ETNPPL: variants seen among roughly 807,000 people sequenced by gnomAD.
ETNPPL encodes the protein alanine--glyoxylate aminotransferase 2-like 1.
ETNPPL carries 30 observed loss-of-function variants against 55.5 expected under a neutral mutation model. That is an observed-to-expected ratio of 0.54 (90% CI 0.40 to 0.73). The LOEUF (loss-of-function observed/expected upper bound fraction) is 0.73, where lower values mean the gene tolerates loss of function less well. Ranked by LOEUF, ETNPPL falls within the 30% of genes least tolerant of loss-of-function variation. The pLI is 0.00. For missense variants in ETNPPL, 528 were observed against 607.9 expected, an observed-to-expected ratio of 0.87 and a Z score of 1.38; for synonymous variants, 202 against 207.2, an observed-to-expected ratio of 0.98 and a Z score of 0.21.
Position 108,746,499 on chromosome 4 carries a change from G to A in ETNPPL, c.1203C>T (p.Ala401=), listed in dbSNP as rs139402816. The A allele has an allele frequency of 2.5e-5, 41 of 1,612,998 alleles. No individual in the cohort carries two copies. In the African/African-American group the frequency reaches 2.9e-4, roughly 12 times the overall value. The change falls in exon 11 of 13, where the codon GCC becomes GCT. Residue 401 remains alanine (A), a synonymous_variant. Transcript: ENST00000296486. ...TAAGTACATTTCTATGAGGTCCATC[G>A]GCACTGAGAAGCACTCGTTTTTCTT... ...KMKEKRVLLS[A]DGPHRNVLKI... is the part of the protein sequence containing the mutation.
Position 108,749,532 on chromosome 4 carries a change from A to G in ETNPPL, c.702-69T>C. 3.3e-6 allele frequency: 4 copies of G among 1,219,746 alleles called. No homozygotes were observed. The East Asian group carries it at 9.6e-5, about 29-fold the overall frequency. 75.6% of individuals were successfully genotyped at this position (1,219,746 alleles called of 1,614,324 possible). A position where few individuals can be genotyped will look rare whatever the true frequency, so the allele number is the denominator to read the frequency against. The stretch of plus-strand genomic sequence containing the variant: ...TCCCCAAACCCACCCACAAAGATGC[A>G]AATTATTGAAGACAAAAAAAAAAAG... On this transcript the variant is annotated intron_variant, in intron 7 of 12. Coordinates refer to ENST00000296486, the MANE Select transcript of ETNPPL (RefSeq NM_031279.4).
Position 108,752,965 on chromosome 4 carries a change from G to T in ETNPPL, c.548C>A (p.Ala183Glu), listed in dbSNP as rs372065522. ...TYRGKYREDH[A>E]DSASAYADEV... ...ATCTGCATAAGCACTGGCTGAGTCT[G>T]CATGGTCTTCTCTATATTTTCCTCT... The change falls in exon 6 of 13, where the codon GCA becomes GAA. Residue 183 changes from alanine (A) to glutamate (E), a missense_variant. Transcript: ENST00000296486. 3 of 1,612,068 alleles carry T rather than the reference G, an allele frequency of 1.9e-6. No individual in the cohort carries two copies. Among genetic ancestry groups the T allele is most frequent in the East Asian group, 4.5e-5 (2 of 44,810 alleles).
intron 5 of ETNPPL, among the ~76,000 whole-genome samples, chr4:108,754,206 G>A (rs886395195): frequency 5.9e-5 from 9 of 151,766 alleles, no homozygotes; most frequent in Non-Finnish European, 1.5e-5. Flanking sequence ...TTGAATTCCT[G>A]ACCTCCAGTG....
intron 6 of ETNPPL, among the ~76,000 whole-genome samples, chr4:108,752,110 G>T (rs894724927): frequency 4.0e-5 from 6 of 151,724 alleles, no homozygotes; most frequent in Non-Finnish European, 8.8e-5. Flanking sequence ...AAATGGGTTG[G>T]GGAAAAAAAA....
Position 108,759,829 on chromosome 4 carries a change from G to A in ETNPPL, c.255C>T (p.His85=), listed in dbSNP as rs569979273. ...ELLNTNSRFL[H]DNIVEYAKRL... is the part of the protein sequence containing the mutation. ...GTTTGGCATACTCAACAATGTTGTC[G>A]TGGAGGAATCGAGAATTTGTATTTA... The change falls in exon 3 of 13, where the codon CAC becomes CAT. Residue 85 remains histidine, a synonymous_variant. Coordinates refer to ENST00000296486, the MANE Select transcript of ETNPPL (RefSeq NM_031279.4). The A allele has an allele frequency of 8.9e-5, 143 of 1,614,056 alleles. 3 individuals carry two copies. The South Asian group carries it at 1.4e-3, about 16-fold the overall frequency.
chr4:108,746,618 T>G (rs371989289), intron 10 of ETNPPL, 89 bp from the exon 11 acceptor site: 26 of 1,505,732 alleles, frequency 1.7e-5, no homozygotes, highest in African/African-American at 8.3e-5. Context: ...GTTTAAGTAT[T>G]CTGCATTTAA....
intron 5 of ETNPPL, 43 bp from the exon 6 acceptor site, chr4:108,753,054 C>T (rs777780956): frequency 1.1e-5 from 12 of 1,069,194 alleles, no homozygotes; most frequent in African/African-American, 3.2e-5. Flanking sequence ...TTTGCCTTTT[C>T]GACAAACCTT....
chr4:108,761,332 T>A (rs1268636709), intron 1 of ETNPPL, among the ~76,000 whole-genome samples: 1 of 152,250 alleles, frequency 6.6e-6, no homozygotes, highest in Non-Finnish European at 1.5e-5. Context: ...ATTTTGATTA[T>A]TACAAACAGT....
At chr4:108,753,131 G>T in intron 5 of ETNPPL, 120 bp from the exon 6 acceptor site, 1 of 610,588 alleles carries the variant, frequency 1.6e-6, no homozygotes, top group South Asian at 2.2e-5. Flanking sequence ...GATACTTTAG[G>T]TTTTTTTGTT....
rs762896516 is a variant in ETNPPL at position 108,749,218 on chromosome 4, A to C, written c.927+20T>G. 6.4e-7 allele frequency: 1 copy of C among 1,565,808 alleles called. No homozygotes were observed. Among genetic ancestry groups the C allele is most frequent in the South Asian group, 1.1e-5 (1 of 89,976 alleles). On this transcript the variant is annotated intron_variant, in intron 8 of 12. Coordinates refer to ENST00000296486, the MANE Select transcript of ETNPPL (RefSeq NM_031279.4). ...CATTATTTTTCCTTCTTAGCATTAA[A>C]GTTGGAGACCAAAATGTACCGTATT...
chr4:108,760,659 TG>T (rs1729473302), intron 1 of ETNPPL, among the ~76,000 whole-genome samples: 1 of 152,220 alleles, frequency 6.6e-6, no homozygotes, highest in African/African-American at 2.4e-5. Flanking sequence ...CAAGTTTTTT[TG>T]GGGGGCTTAA....
At chr4:108,762,186 T>C in intron 1 of ETNPPL, 1 of 345,196 alleles carries the variant, frequency 2.9e-6, no homozygotes, top group South Asian at 2.3e-5. Flanking sequence ...CGGTCTTATA[T>C]ACTCACCTTT....
At chr4:108,756,329 A>G in intron 4 of ETNPPL, 89 bp downstream of exon 4, 1 of 851,802 alleles carries the variant, frequency 1.2e-6, no homozygotes, top group Non-Finnish European at 2.0e-6. Flanking sequence ...CCTCTTTCAC[A>G]TGCGTTCATG....
intron 3 of ETNPPL, among the ~76,000 whole-genome samples, 185 bp downstream of exon 3, chr4:108,759,564 A>G (rs1340814552): frequency 1.3e-5 from 2 of 152,192 alleles, no homozygotes; most frequent in African/African-American, 4.8e-5. Flanking sequence ...TTAGATTCAC[A>G]GTCGTAGAAT....
At position 108,753,973 on chromosome 4, in the gene ETNPPL, C is replaced by CTTTTTTTTTT. The variant is rs1213568977; in HGVS notation, c.501+637_501+646dup. Reference sequence around the variant, plus strand: ...TACAGAGCAATTTACTTTTTCTTTTCTTTTTTTTTTTTTTTTTTGAGATGG... The same window carrying CTTTTTTTTTT: ...TACAGAGCAATTTACTTTTTCTTTTCTTTTTTTTTTTTTTTTTTTTTTTTTTTTGAGATGG... On this transcript the variant is annotated intron_variant, in intron 5 of 12. Coordinates refer to ENST00000296486, the MANE Select transcript of ETNPPL (RefSeq NM_031279.4). Among the ~76,000 whole-genome samples, 7 of 122,788 alleles carry CTTTTTTTTTT rather than the reference C, an allele frequency of 5.7e-5. 1 individual carries two copies. The highest frequency in any genetic ancestry group is 2.6e-4 in the South Asian group (1 of 3,778). The allele number at this position is 122,788 out of a possible 152,430, so 80.6% of individuals were successfully genotyped here. A position where few individuals can be genotyped will look rare whatever the true frequency, so the allele number is the denominator to read the frequency against.
At chr4:108,747,949 CTAT>C in intron 9 of ETNPPL, 53 bp downstream of exon 9, 1 of 1,452,146 alleles carries the variant, frequency 6.9e-7, no homozygotes, top group Non-Finnish European at 9.5e-7. Flanking sequence ...AGCCTATAAA[CTAT>C]TATTATTTTG....
At chr4:108,756,902 AAAT>A (rs1283775916) in intron 3 of ETNPPL, among the ~76,000 whole-genome samples, 1 of 152,192 alleles carries the variant, frequency 6.6e-6, no homozygotes, top group Non-Finnish European at 1.5e-5. Context: ...GAAACTTATA[AAAT>A]AATAAGTTGA....
intron 5 of ETNPPL, among the ~76,000 whole-genome samples, chr4:108,754,351 A>C (rs1377836063): frequency 1.3e-5 from 2 of 152,196 alleles, no homozygotes; most frequent in African/African-American, 4.8e-5. Flanking sequence ...ATGTAACTGA[A>C]GATTAAGGAG....
At chr4:108,759,220 T>C (rs1048423286) in intron 3 of ETNPPL, among the ~76,000 whole-genome samples, 1 of 151,568 alleles carries the variant, frequency 6.6e-6, no homozygotes, top group African/African-American at 2.4e-5. Context: ...TCCCAGCACT[T>C]TGGGAGGCTG....
Sources: allele counts gnomAD v4.1 joint callset (sites outside exome capture counted in the v4.1 genomes callset), GRCh38; gene constraint gnomAD v4.1.1; transcripts MANE v1.5; gene names NCBI Gene and HGNC (gene_info 2026-07-23, HGNC 2026-07-21).